CADPS2: variants seen among roughly 807,000 people sequenced by gnomAD.
CADPS2 encodes calcium-dependent secretion activator 2.
In CADPS2, 93 loss-of-function variants were observed where a neutral mutation model predicts 172.5. That is an observed-to-expected ratio of 0.54 (90% CI 0.46 to 0.64). The LOEUF (loss-of-function observed/expected upper bound fraction) is 0.64, where lower values mean the gene tolerates loss of function less well. Ranked by LOEUF, CADPS2 falls within the 30% of genes least tolerant of loss-of-function variation. CADPS2 has a pLI of 0.00. For synonymous variants in CADPS2, 546 were observed against 555.2 expected (o/e 0.98, Z 0.23); for missense variants, 1,420 against 1,565.9 (o/e 0.91, Z 1.57).
intron 2 of CADPS2, among the ~76,000 whole-genome samples, chr7:122,704,527 T>C (rs2086679853): frequency 6.6e-6 from 1 of 151,246 alleles, no homozygotes; most frequent in Non-Finnish European, 1.5e-5. Flanking sequence ...TCTGACTTTT[T>C]ATTTTGCAGA....
intron 8 of CADPS2, among the ~76,000 whole-genome samples, chr7:122,526,781 T>G (rs904921601): frequency 6.6e-6 from 1 of 152,226 alleles, no homozygotes; most frequent in African/African-American, 2.4e-5. Flanking sequence ...CTAGGTGACA[T>G]GTAGACATTT....
chr7:122,393,719 C>A (rs986317031), intron 20 of CADPS2, 137 bp from the exon 21 acceptor site: 2 of 808,138 alleles, frequency 2.5e-6, no homozygotes, highest in Non-Finnish European at 2.0e-6. Context: ...GTAGATCATA[C>A]CCCCCATATT....
intron 8 of CADPS2, among the ~76,000 whole-genome samples, chr7:122,524,647 G>A (rs2061060599): frequency 6.6e-6 from 1 of 152,160 alleles, no homozygotes; most frequent in African/African-American, 2.4e-5. Context: ...CTCCAAAAGT[G>A]CAGAATATTT....
chr7:122,527,397 C>G (rs892777916), intron 8 of CADPS2, among the ~76,000 whole-genome samples: 7 of 124,714 alleles, frequency 5.6e-5, no homozygotes, highest in African/African-American at 1.8e-4. Flanking sequence ...TACCAGATTT[C>G]TAACTCTCAC....
intron 1 of CADPS2, among the ~76,000 whole-genome samples, chr7:122,839,341 G>A (rs1417640165): frequency 6.6e-6 from 1 of 152,030 alleles, no homozygotes. Flanking sequence ...AGAAAACCTA[G>A]GCAATACCAT....
At chr7:122,669,608 A>G (rs1439193810) in intron 2 of CADPS2, among the ~76,000 whole-genome samples, 1 of 151,760 alleles carries the variant, frequency 6.6e-6, no homozygotes, top group East Asian at 2.0e-4. Context: ...AGGAATGAAG[A>G]CCCGTTCTCT....
intron 11 of CADPS2, among the ~76,000 whole-genome samples, chr7:122,487,982 GC>G (rs1377303507): frequency 1.3e-5 from 2 of 152,144 alleles, no homozygotes; most frequent in African/African-American, 4.8e-5. Flanking sequence ...TGAGATTGAC[GC>G]TAAATGCACA....
intron 1 of CADPS2, among the ~76,000 whole-genome samples, chr7:122,753,607 A>G (rs1309235374): frequency 6.6e-6 from 1 of 152,218 alleles, no homozygotes; most frequent in Admixed American, 6.5e-5. Flanking sequence ...AGTTAAATGG[A>G]GACATTTTGA....
chr7:122,461,647 T>C (rs533528661), intron 14 of CADPS2, among the ~76,000 whole-genome samples: 1 of 151,580 alleles, frequency 6.6e-6, no homozygotes, highest in East Asian at 2.0e-4. Flanking sequence ...CAGGCTGGAG[T>C]GTAGTGGCGC....
At chr7:122,865,468 G>T (rs1286923374) in intron 1 of CADPS2, among the ~76,000 whole-genome samples, 1 of 152,144 alleles carries the variant, frequency 6.6e-6, no homozygotes, top group African/African-American at 2.4e-5. Context: ...AGATTTTTGA[G>T]GCAACAATTC....
At chr7:122,395,250 T>C (rs2044918553) in intron 20 of CADPS2, among the ~76,000 whole-genome samples, 1 of 152,220 alleles carries the variant, frequency 6.6e-6, no homozygotes, top group South Asian at 2.1e-4. Flanking sequence ...TACAGGCACA[T>C]AAATTGGTGT....
intron 1 of CADPS2, among the ~76,000 whole-genome samples, chr7:122,845,857 C>A (rs1223792911): frequency 6.6e-6 from 1 of 152,144 alleles, no homozygotes. Context: ...GAGATTCCAT[C>A]CAAAGGGGAA....
chr7:122,645,516 A>AG lies in CADPS2; in HGVS notation c.787-16189_787-16188insC, dbSNP rs1319535267. Among the ~76,000 whole-genome samples, 105 of 29,356 alleles carry AG rather than the reference A, an allele frequency of 3.6e-3. 3 individuals are homozygous for AG. Among genetic ancestry groups the AG allele is most frequent in the South Asian group, 7.6e-3 (4 of 526 alleles). The allele number at this position is 29,356 out of a possible 152,430, so 19.3% of individuals were successfully genotyped here. Reference sequence around the variant, plus strand: ...TATATATATAAGTATATATATACTTATATATATATAAGTATATATATATAC... The same window carrying AG: ...TATATATATAAGTATATATATACTTAGTATATATATAAGTATATATATATAC... On this transcript the variant is annotated intron_variant, in intron 3 of 29. Coordinates refer to ENST00000449022, the MANE Select transcript of CADPS2 (RefSeq NM_017954.11).
At chr7:122,723,057 G>A (rs1366446714) in intron 2 of CADPS2, among the ~76,000 whole-genome samples, 1 of 152,010 alleles carries the variant, frequency 6.6e-6, no homozygotes, top group Non-Finnish European at 1.5e-5. Flanking sequence ...TTAAATGTTA[G>A]ACTTAAAACC....
intron 4 of CADPS2, among the ~76,000 whole-genome samples, chr7:122,626,080 T>C (rs745725726): frequency 4.6e-5 from 7 of 152,016 alleles, no homozygotes; most frequent in Non-Finnish European, 8.8e-5. Flanking sequence ...AAGAGTTTAG[T>C]GGAGGATAAA....
intron 7 of CADPS2, among the ~76,000 whole-genome samples, chr7:122,561,862 TG>T (rs1298110900): frequency 2.0e-5 from 3 of 152,276 alleles, no homozygotes; most frequent in Admixed American, 2.0e-4. Flanking sequence ...CACAGTCTAT[TG>T]TAAACACTCA....
At chr7:122,722,038 A>T (rs2090478708) in intron 2 of CADPS2, among the ~76,000 whole-genome samples, 1 of 152,210 alleles carries the variant, frequency 6.6e-6, no homozygotes, top group Non-Finnish European at 1.5e-5. Context: ...GATGGGACAT[A>T]TCTCAAAAGA....
chr7:122,633,399 A>G (rs565975137), intron 3 of CADPS2, among the ~76,000 whole-genome samples: 1 of 152,182 alleles, frequency 6.6e-6, no homozygotes, highest in Non-Finnish European at 1.5e-5. Flanking sequence ...CTGCCTGTAG[A>G]GATCTTTCAC....
At chr7:122,822,419 C>A (rs1803594160) in intron 1 of CADPS2, among the ~76,000 whole-genome samples, 1 of 152,090 alleles carries the variant, frequency 6.6e-6, no homozygotes, top group Admixed American at 6.6e-5. Flanking sequence ...CACACCGCCC[C>A]TAATCCTGCT....
Sources: allele counts gnomAD v4.1 joint callset (sites outside exome capture counted in the v4.1 genomes callset), GRCh38; gene constraint gnomAD v4.1.1; transcripts MANE v1.5; gene names NCBI Gene and HGNC (gene_info 2026-07-23, HGNC 2026-07-21).